The following TMEM132C variants were observed in gnomAD, a reference collection of about 807,000 sequenced individuals.
TMEM132C encodes transmembrane protein 132C.
TMEM132C carries 29 observed loss-of-function variants against 61.4 expected under a neutral mutation model. That is an observed-to-expected ratio of 0.47 (90% CI 0.35 to 0.64). TMEM132C has a LOEUF of 0.64. Among genes scored for constraint, TMEM132C ranks in the 30% least tolerant of loss-of-function variants. TMEM132C has a pLI of 0.00. For missense variants in TMEM132C, 1,408 were observed against 1,476.9 expected, an observed-to-expected ratio of 0.95 and a Z score of 0.76; for synonymous variants, 656 against 633.1, an observed-to-expected ratio of 1.04 and a Z score of -0.54.
intron 2 of TMEM132C, among the ~76,000 whole-genome samples, chr12:128,439,751 AG>A (rs1335276880): frequency 6.6e-6 from 1 of 151,878 alleles, no homozygotes; most frequent in African/African-American, 2.4e-5. Flanking sequence ...TGTAGTGGGG[AG>A]GGGGTCAAAG....
At chr12:128,567,614 AG>A (rs111786960) in intron 3 of TMEM132C, among the ~76,000 whole-genome samples, 4,876 of 152,292 alleles carry the variant, frequency 0.032, 270 homozygotes, top group African/African-American at 0.11. Context: ...GCTGAGGAAA[AG>A]AATATGTCAC....
At chr12:128,292,083 T>G (rs796546771) in intron 1 of TMEM132C, among the ~76,000 whole-genome samples, 2 of 152,320 alleles carry the variant, frequency 1.3e-5, no homozygotes, top group South Asian at 4.1e-4. Flanking sequence ...CCGTCTCTGC[T>G]TCATAACTCT....
chr12:128,321,709 T>A (rs59457784), intron 1 of TMEM132C, among the ~76,000 whole-genome samples: 92 of 152,344 alleles, frequency 6.0e-4, no homozygotes, highest in African/African-American at 2.2e-3. Flanking sequence ...ATTGTGGTAG[T>A]GTACTATTAT....
At chr12:128,521,692 A>G (rs944410807) in intron 2 of TMEM132C, among the ~76,000 whole-genome samples, 11 of 152,212 alleles carry the variant, frequency 7.2e-5, no homozygotes, top group Admixed American at 2.6e-4. Flanking sequence ...GAACTTGGCT[A>G]GATTTCCCTT....
chr12:128,543,910 C>T (rs1346888936), intron 2 of TMEM132C, 47 bp from the exon 3 acceptor site: 15 of 1,524,870 alleles, frequency 9.8e-6, no homozygotes, highest in African/African-American at 1.4e-5. Context: ...TTGGAAAGGC[C>T]AAGCCTTAAC....
chr12:128,413,620 A>G (rs1868646903), intron 1 of TMEM132C, among the ~76,000 whole-genome samples: 1 of 151,526 alleles, frequency 6.6e-6, no homozygotes, highest in African/African-American at 2.4e-5. Context: ...GTGAGGCTCA[A>G]TAGTTGTAAA....
chr12:128,405,334 G>A lies in TMEM132C; in HGVS notation c.86-9398G>A, dbSNP rs561787042. ...GAGAGGTAAGTTTAGGGAGCGTACAGGGTGCTGCAGCCTGTGTGGGTGCAG... is the reference window on the plus strand; with the variant it reads ...GAGAGGTAAGTTTAGGGAGCGTACAAGGTGCTGCAGCCTGTGTGGGTGCAG... On this transcript the variant is annotated intron_variant, in intron 1 of 8. Transcript: ENST00000435159. 3.3e-5 allele frequency among the ~76,000 whole-genome samples: 5 copies of A among 152,266 alleles called. No homozygotes were observed. The East Asian group carries it at 9.7e-4, about 29-fold the overall frequency.
intron 7 of TMEM132C, among the ~76,000 whole-genome samples, chr12:128,696,918 G>C (rs1435993873): frequency 6.6e-6 from 1 of 152,182 alleles, no homozygotes; most frequent in Non-Finnish European, 1.5e-5. Context: ...CAGTTAACCA[G>C]GTCGTGCATT....
chr12:128,601,262 G>A (rs1876176505), intron 3 of TMEM132C, among the ~76,000 whole-genome samples: 1 of 152,170 alleles, frequency 6.6e-6, no homozygotes, highest in Admixed American at 6.5e-5. Flanking sequence ...CTCCCTTCTT[G>A]AGTAAAAATG....
chr12:128,302,133 A>G (rs1871619154), intron 1 of TMEM132C, among the ~76,000 whole-genome samples: 1 of 152,200 alleles, frequency 6.6e-6, no homozygotes, highest in Non-Finnish European at 1.5e-5. Flanking sequence ...AAATGGCTAA[A>G]GTCTGTCGAG....
intron 1 of TMEM132C, among the ~76,000 whole-genome samples, chr12:128,406,849 C>T (rs144406250): frequency 1.7e-3 from 259 of 152,290 alleles, no homozygotes; most frequent in Non-Finnish European, 2.8e-3. Flanking sequence ...TGGACCAGAA[C>T]ATCTAGAACC....
intron 4 of TMEM132C, among the ~76,000 whole-genome samples, chr12:128,628,709 C>T (rs967270301): frequency 1.3e-5 from 2 of 152,142 alleles, no homozygotes; most frequent in African/African-American, 4.8e-5. Context: ...GTGTATGACC[C>T]GCCACATCTG....
intron 3 of TMEM132C, among the ~76,000 whole-genome samples, chr12:128,606,354 C>G (rs1307478105): frequency 6.6e-6 from 1 of 152,224 alleles, no homozygotes; most frequent in Non-Finnish European, 1.5e-5. Context: ...CTGGGGCTTT[C>G]ACATAGGAGG....
At chr12:128,288,005 A>C (rs889291889) in intron 1 of TMEM132C, among the ~76,000 whole-genome samples, 14 of 151,192 alleles carry the variant, frequency 9.3e-5, no homozygotes, top group African/African-American at 3.4e-4. Flanking sequence ...TGTTTGGTGC[A>C]GTCTTAATAT....
chr12:128,450,247 T>G (rs182396008), intron 2 of TMEM132C, among the ~76,000 whole-genome samples: 3 of 152,340 alleles, frequency 2.0e-5, no homozygotes, highest in Admixed American at 2.0e-4. Flanking sequence ...TAAGAGTCAC[T>G]TGTGGCTACT....
chr12:128,609,310 C>T (rs1479632787), intron 3 of TMEM132C, among the ~76,000 whole-genome samples: 2 of 149,280 alleles, frequency 1.3e-5, no homozygotes, highest in African/African-American at 2.5e-5. Context: ...CCCTGCAACC[C>T]TGCTATAACC....
chr12:128,639,150 A>ATGG (rs1565999141), intron 4 of TMEM132C, among the ~76,000 whole-genome samples: 1 of 131,708 alleles, frequency 7.6e-6, no homozygotes, highest in African/African-American at 2.9e-5. Flanking sequence ...AATGGTGATG[A>ATGG]TGATGGTGAT....
chr12:128,504,986 TAGTA>T (rs1465049406), intron 2 of TMEM132C, among the ~76,000 whole-genome samples: 1 of 151,828 alleles, frequency 6.6e-6, no homozygotes, highest in Non-Finnish European at 1.5e-5. Context: ...CTACTTTACG[TAGTA>T]AGTAAGATTA....
chr12:128,624,335 G>T (rs1953993760), intron 4 of TMEM132C, among the ~76,000 whole-genome samples: 1 of 152,114 alleles, frequency 6.6e-6, no homozygotes. Flanking sequence ...CACAAGGTCA[G>T]GAGTTCAAGA....
Sources: gnomAD v4.1 joint callset for allele counts (sites outside exome capture counted in the v4.1 genomes callset) on GRCh38, gnomAD v4.1.1 for gene constraint, MANE v1.5 for transcripts, NCBI Gene and HGNC (gene_info 2026-07-23, HGNC 2026-07-21) for gene names.